Variants in ZNF133 observed in about 807,000 individuals in gnomAD.
ZNF133 encodes zinc finger protein 133 (clone pHZ-13).
Under a neutral mutation model 54.9 loss-of-function variants are expected in ZNF133, and 26 were observed. The observed-to-expected ratio is 0.47, with a 90% CI of 0.35 to 0.66. ZNF133 has a LOEUF of 0.66. ZNF133 is among the 30% of genes least tolerant of loss of function. ZNF133 has a pLI of 0.01. For missense variants in ZNF133, 653 were observed against 820.8 expected, an observed-to-expected ratio of 0.80 and a Z score of 2.50; for synonymous variants, 298 against 320.3, an observed-to-expected ratio of 0.93 and a Z score of 0.74.
In ZNF133 at chr20:18,315,726, A is replaced by G. The variant is rs1257975678; in HGVS notation, c.875A>G (p.His292Arg). The G allele has an allele frequency of 6.2e-7, 1 of 1,613,816 alleles. No homozygotes were observed. Among genetic ancestry groups the G allele is most frequent in the African/African-American group, 1.3e-5 (1 of 74,860 alleles). The part of the protein sequence containing the change: ...KSTLIIHERT[H>R]SGEKPYMCSE... ...ACGCTAATCATACACGAACGGACACACTCCGGTGAGAAACCTTACATGTGC... is the reference window on the plus strand; with the variant it reads ...ACGCTAATCATACACGAACGGACACGCTCCGGTGAGAAACCTTACATGTGC... The change falls in exon 7 of 7, where the codon CAC (histidine) becomes CGC (arginine). Residue 292 changes from histidine to arginine, a missense_variant. This residue lies in a region of ZNF133 where 292 missense variants were observed against 431.6 expected (regional missense o/e 0.68). Coordinates refer to ENST00000425686, the MANE Select transcript of ZNF133 (RefSeq NM_001352452.2).
At chr20:18,306,867 T>A in intron 6 of ZNF133, 1 of 825,804 alleles carries the variant, frequency 1.2e-6, no homozygotes, top group African/African-American at 1.9e-5. Context: ...TATAAATATC[T>A]ATATAATATC....
chr20:18,305,306 G>C lies in ZNF133; in HGVS notation c.-7+128G>C, dbSNP rs1600479163. 3.3e-6 allele frequency: 2 copies of C among 609,522 alleles called. No homozygotes were observed. Among genetic ancestry groups the C allele is most frequent in the Non-Finnish European group, 4.2e-6 (2 of 480,486 alleles). The allele number at this position is 609,522 out of a possible 1,614,324, so 37.8% of individuals were successfully genotyped here. On this transcript the variant is annotated intron_variant, in intron 4 of 6. Transcript: ENST00000425686. This position sits in a 1 kb window ranked among gnomAD's most constrained non-coding sequence, Gnocchi z 4.7. Reference sequence around the variant, plus strand: ...GAAAGCCAAGCCGTAGGATTTTGAGGAATTACTGAGTTATAGTGGACTATT... The same window carrying C: ...GAAAGCCAAGCCGTAGGATTTTGAGCAATTACTGAGTTATAGTGGACTATT...
intron 1 of ZNF133, chr20:18,295,511 A>G (rs1348582797): frequency 1.3e-5 from 2 of 152,142 alleles, no homozygotes. Flanking sequence ...GTGTTTGTCT[A>G]CTTTTTTTGA....
rs2044474673 is a variant in ZNF133, at chr20:18,305,964, G to A, written c.121+157G>A. ...CCCAGGGAGGGTCTGATTTTGCAGAGTGGAAAATGGGTAGATTTGTTGTGT... is the reference window on the plus strand; with the variant it reads ...CCCAGGGAGGGTCTGATTTTGCAGAATGGAAAATGGGTAGATTTGTTGTGT... On this transcript the variant is annotated intron_variant, in intron 5 of 6. Transcript: ENST00000425686. The surrounding 1 kb of genome is among the most constrained non-coding windows in gnomAD (Gnocchi z 4.7). Among the ~76,000 whole-genome samples the A allele has an allele frequency of 6.6e-6, 1 of 152,248 alleles. No homozygotes were observed. The highest frequency in any genetic ancestry group is 1.5e-5 in the Non-Finnish European group (1 of 68,046).
At position 18,306,411 on chromosome 20, in the gene ZNF133, G is replaced by A. The variant is rs1475029514; in HGVS notation, c.217+18G>A. ...CTGTCCAGGTGAGTGGGAAAACACT[G>A]GACAAATGAGACATGAGCTCAGCAG... On this transcript the variant is annotated intron_variant, in intron 6 of 6. Coordinates refer to ENST00000425686, the MANE Select transcript of ZNF133 (RefSeq NM_001352452.2). 6.2e-7 allele frequency: 1 copy of A among 1,607,912 alleles called. No homozygotes were observed. Among genetic ancestry groups the A allele is most frequent in the Non-Finnish European group, 8.5e-7 (1 of 1,175,848 alleles).
intron 3 of ZNF133, among the ~76,000 whole-genome samples, chr20:18,298,821 A>G (rs1170816688): frequency 6.6e-6 from 1 of 152,168 alleles, no homozygotes; most frequent in Non-Finnish European, 1.5e-5. Flanking sequence ...GGACTAGTAT[A>G]TTGAAAAGCA....
chr20:18,308,999 G>A lies in ZNF133; in HGVS notation c.217+2606G>A, dbSNP rs148756717. ...CTGGAAGCCAGAAGTTCAAGATCAA[G>A]TTGTCAGCAGGTTTGGTTGCTCTGA... On this transcript the variant is annotated intron_variant, in intron 6 of 6. Transcript: ENST00000425686. Among the ~76,000 whole-genome samples the A allele has an allele frequency of 1.7e-3, 258 of 152,306 alleles. 1 individual carries two copies. The highest frequency in any genetic ancestry group is 6.0e-3 in the African/African-American group (248 of 41,564).
rs1453218086 is a variant in ZNF133, at chr20:18,316,827, G to A, written c.*11G>A. On this transcript the variant is annotated 3_prime_UTR_variant, in exon 7 of 7. Coordinates refer to ENST00000425686, the MANE Select transcript of ZNF133 (RefSeq NM_001352452.2). Reference sequence around the variant, plus strand: ...TTATACTCTCTCTGAAGGCAAAGATGGGGACAAGGACTAAGAGTCAGAATG... The same window carrying A: ...TTATACTCTCTCTGAAGGCAAAGATAGGGACAAGGACTAAGAGTCAGAATG... 2 of 1,593,392 alleles carry A rather than the reference G, an allele frequency of 1.3e-6. No homozygotes were observed. The highest frequency in any genetic ancestry group is 2.2e-5 in the East Asian group (1 of 44,666).
chr20:18,314,957 G>A, intron 6 of ZNF133, 112 bp from the exon 7 acceptor site: 2 of 1,060,730 alleles, frequency 1.9e-6, no homozygotes, highest in Non-Finnish European at 2.6e-6. Context: ...GGAAGTCCCG[G>A]TTGGATGGCA....
At chr20:18,304,823 C>T (rs943636941) in intron 3 of ZNF133, among the ~76,000 whole-genome samples, 185 bp from the exon 4 acceptor site, 1 of 152,062 alleles carries the variant, frequency 6.6e-6, no homozygotes, top group Admixed American at 6.5e-5. Context: ...TTTTATTCCT[C>T]CTAGGGGGCC....
intron 1 of ZNF133, among the ~76,000 whole-genome samples, chr20:18,293,020 T>A (rs1434725657): frequency 6.6e-6 from 1 of 152,234 alleles, no homozygotes; most frequent in Non-Finnish European, 1.5e-5. Context: ...GAAGTAGTCA[T>A]GGGACTGAGT....
chr20:18,298,864 A>G (rs2042765404), intron 3 of ZNF133, among the ~76,000 whole-genome samples: 1 of 152,174 alleles, frequency 6.6e-6, no homozygotes, highest in South Asian at 2.1e-4. Context: ...AGGTATACCC[A>G]TGGAAAGGCA....
chr20:18,302,838 A>G (rs2043689740), intron 3 of ZNF133, among the ~76,000 whole-genome samples: 1 of 152,234 alleles, frequency 6.6e-6, no homozygotes, highest in African/African-American at 2.4e-5. Flanking sequence ...AAGTCAACAC[A>G]CAGAAATCAG....
chr20:18,314,835 C>T (rs1013187065), intron 6 of ZNF133: 1 of 416,500 alleles, frequency 2.4e-6, no homozygotes, highest in African/African-American at 2.0e-5. Context: ...CCCAAAAATG[C>T]CAGGGATGCT....
intron 3 of ZNF133, 23 bp from the exon 4 acceptor site, chr20:18,304,984 AC>A (rs1214428895): frequency 2.0e-6 from 2 of 985,126 alleles, no homozygotes; most frequent in Admixed American, 1.2e-4. Context: ...TGTCTTAGAA[AC>A]CCCTTTCTAA....
Position 18,305,771 on chromosome 20 carries a change from G to GT in ZNF133, c.86dup (p.Met30AspfsTer17). On this transcript the variant is annotated frameshift_variant, in exon 5 of 7. Coordinates refer to ENST00000425686, the MANE Select transcript of ZNF133 (RefSeq NM_001352452.2). LOFTEE classifies it high-confidence loss of function. This position sits in a 1 kb window ranked among gnomAD's most constrained non-coding sequence, Gnocchi z 4.7. Reference sequence around the variant, plus strand: ...TGCTCAAAGGACTCTGTACAGAGAGGTGATGCTGGAGAACTACAGCAACCT... The same window carrying GT: ...TGCTCAAAGGACTCTGTACAGAGAGGTTGATGCTGGAGAACTACAGCAACCT... 1 of 1,614,034 alleles carries GT rather than the reference G, an allele frequency of 6.2e-7. No homozygotes were observed. Among genetic ancestry groups the GT allele is most frequent in the African/African-American group, 1.3e-5 (1 of 75,060 alleles).
At chr20:18,300,259 A>C (rs1268984321) in intron 3 of ZNF133, among the ~76,000 whole-genome samples, 3 of 152,218 alleles carry the variant, frequency 2.0e-5, no homozygotes, top group Non-Finnish European at 4.4e-5. Flanking sequence ...GATGAGTTCA[A>C]ATTCAGTTTT....
chr20:18,315,666 G>A lies in ZNF133; in HGVS notation c.815G>A (p.Cys272Tyr), dbSNP rs1214165570. ...KAHSGEKPIVCRECGRGFNRK... is the reference protein window; with the variant it reads ...KAHSGEKPIVYRECGRGFNRK... ...CACTCGGGGGAGAAGCCAATTGTGT[G>A]CAGGGAGTGTGGACGAGGCTTTAAC... The change falls in exon 7 of 7, where the codon TGC (cysteine) becomes TAC (tyrosine). Residue 272 changes from cysteine to tyrosine, a missense_variant. Cys to Tyr is a radical substitution (Grantham distance 194). Transcript: ENST00000425686. 5 of 1,613,996 alleles carry A rather than the reference G, an allele frequency of 3.1e-6. No homozygotes were observed. The highest frequency in any genetic ancestry group is 3.4e-6 in the Non-Finnish European group (4 of 1,179,980).
intron 1 of ZNF133, among the ~76,000 whole-genome samples, chr20:18,296,148 CAT>C (rs753492027): frequency 3.3e-5 from 5 of 152,258 alleles, no homozygotes; most frequent in South Asian, 4.1e-4. Flanking sequence ...AACATTAGCA[CAT>C]GTTTTCCTCC....
Sources: allele counts gnomAD v4.1 joint callset (sites outside exome capture counted in the v4.1 genomes callset), GRCh38; gene constraint gnomAD v4.1.1; regional missense constraint gnomAD v4.1.1; non-coding constraint Gnocchi (gnomAD v3.1); transcripts MANE v1.5; gene names NCBI Gene and HGNC (gene_info 2026-07-23, HGNC 2026-07-21).